ANKFN1: variants seen among roughly 807,000 people sequenced by gnomAD.
ANKFN1 encodes the protein ankyrin repeat and fibronectin type-III domain-containing protein 1.
A neutral mutation model predicts 108.7 loss-of-function variants in ANKFN1; 74 were observed. That is an observed-to-expected ratio of 0.68 (90% CI 0.56 to 0.83). The LOEUF is 0.83. Ranked by LOEUF, ANKFN1 falls within the 40% of genes least tolerant of loss-of-function variation. The pLI, the probability that ANKFN1 is intolerant of heterozygous loss-of-function variation, is 0.00. For missense variants in ANKFN1, 1,505 were observed against 1,382.3 expected, an observed-to-expected ratio of 1.09 and a Z score of -1.41; for synonymous variants, 547 against 516.2, an observed-to-expected ratio of 1.06 and a Z score of -0.81.
At chr17:56,261,847 C>T (rs2043518969) in intron 3 of ANKFN1, among the ~76,000 whole-genome samples, 1 of 152,202 alleles carries the variant, frequency 6.6e-6, no homozygotes, top group Non-Finnish European at 1.5e-5. Context: ...CCCTCACAGA[C>T]ATACCCAGGA....
chr17:56,238,323 T>A (rs1408032992), intron 3 of ANKFN1, among the ~76,000 whole-genome samples: 3 of 152,114 alleles, frequency 2.0e-5, no homozygotes, highest in Non-Finnish European at 4.4e-5. Context: ...CCTGAACATT[T>A]TTGTCAATTT....
Position 56,510,882 on chromosome 17 carries a change from G to C in ANKFN1, c.3054G>C (p.Leu1018Phe), listed in dbSNP as rs1259878752. 1 of 1,536,054 alleles carries C rather than the reference G, an allele frequency of 6.5e-7. No individual in the cohort carries two copies. Among genetic ancestry groups the C allele is most frequent in the Non-Finnish European group, 8.7e-7 (1 of 1,146,918 alleles). ...GCTTCAGCCGCCATCATCGCTGGTT[G>C]CGCATCCACAGCGAGACCCAGTCGC... Reference protein sequence around the residue: ...YGGFSRHHRWLRIHSETQSLS... With the variant: ...YGGFSRHHRWFRIHSETQSLS... The change falls in exon 21 of 21, where the codon TTG becomes TTC. Residue 1018 changes from leucine to phenylalanine, a missense_variant. Coordinates refer to ENST00000682825, the MANE Select transcript of ANKFN1 (RefSeq NM_001370326.1).
At chr17:56,187,093 A>G (rs1344938198) in intron 1 of ANKFN1, among the ~76,000 whole-genome samples, 1 of 152,248 alleles carries the variant, frequency 6.6e-6, no homozygotes, top group East Asian at 1.9e-4. Flanking sequence ...ATGGGATCTA[A>G]TTAAACTAAG....
intron 6 of ANKFN1, among the ~76,000 whole-genome samples, chr17:56,361,141 A>G (rs977365302): frequency 2.0e-5 from 3 of 152,136 alleles, no homozygotes; most frequent in Admixed American, 1.3e-4. Flanking sequence ...AGGTTCATCC[A>G]TGTTGTTTTA....
intron 8 of ANKFN1, among the ~76,000 whole-genome samples, chr17:56,438,093 T>C (rs757055209): frequency 2.0e-4 from 30 of 151,230 alleles, no homozygotes; most frequent in Non-Finnish European, 3.1e-4. Context: ...AGGAAAAAAA[T>C]GAATGACACT....
intron 1 of ANKFN1, among the ~76,000 whole-genome samples, chr17:56,175,848 T>C (rs1911095098): frequency 6.6e-6 from 1 of 151,398 alleles, no homozygotes; most frequent in African/African-American, 2.4e-5. Flanking sequence ...ACAACTCTGA[T>C]TGATGCAGCC....
At chr17:56,337,206 G>A (rs1187674748) in intron 4 of ANKFN1, among the ~76,000 whole-genome samples, 1 of 152,178 alleles carries the variant, frequency 6.6e-6, no homozygotes, top group African/African-American at 2.4e-5. Flanking sequence ...TTGATTTGGG[G>A]TTGAGAGTTC....
intron 4 of ANKFN1, among the ~76,000 whole-genome samples, chr17:56,086,797 G>T (rs1041435493): frequency 3.3e-5 from 5 of 151,294 alleles, no homozygotes; most frequent in Admixed American, 2.0e-4. Context: ...CATGCCTAGT[G>T]CCAGGTTCAC....
chr17:56,479,712 G>A (rs1173792567), intron 16 of ANKFN1, among the ~76,000 whole-genome samples: 1 of 152,216 alleles, frequency 6.6e-6, no homozygotes, highest in Non-Finnish European at 1.5e-5. Context: ...GCCCTTTGGG[G>A]AAAGCCTCAG....
At chr17:56,302,517 C>CAAA (rs774091391) in intron 3 of ANKFN1, among the ~76,000 whole-genome samples, 1,418 of 96,372 alleles carry the variant, frequency 0.015, 44 homozygotes, top group African/African-American at 0.054. Flanking sequence ...CTAGCCTCTA[C>CAAA]AAAAAAAAAA....
chr17:56,179,595 G>A (rs1911496497), intron 1 of ANKFN1, among the ~76,000 whole-genome samples: 1 of 152,194 alleles, frequency 6.6e-6, no homozygotes, highest in African/African-American at 2.4e-5. Context: ...ACAGAGACCT[G>A]AAGGAGCTGA....
intron 4 of ANKFN1, among the ~76,000 whole-genome samples, chr17:56,099,679 T>C (rs1417776400): frequency 6.6e-6 from 1 of 152,188 alleles, no homozygotes; most frequent in African/African-American, 2.4e-5. Flanking sequence ...AGGCAGAATC[T>C]AAGGAGAAGG....
At chr17:56,097,309 C>G (rs913274932) in intron 4 of ANKFN1, among the ~76,000 whole-genome samples, 2 of 152,078 alleles carry the variant, frequency 1.3e-5, no homozygotes, top group Admixed American at 1.3e-4. Context: ...CTAAGATAAC[C>G]CAGGTATCCC....
chr17:56,505,919 C>G (rs1011894836), intron 20 of ANKFN1, among the ~76,000 whole-genome samples: 1 of 152,206 alleles, frequency 6.6e-6, no homozygotes, highest in Non-Finnish European at 1.5e-5. Context: ...TGACTATGGA[C>G]TGAAAGTGTT....
chr17:56,239,501 A>G (rs189742581), intron 3 of ANKFN1, among the ~76,000 whole-genome samples: 3 of 152,278 alleles, frequency 2.0e-5, no homozygotes, highest in Admixed American at 2.0e-4. Context: ...CACTCCATAA[A>G]TGTGTGCAAC....
intron 19 of ANKFN1, among the ~76,000 whole-genome samples, chr17:56,496,088 A>T (rs527561325): frequency 6.6e-6 from 1 of 152,230 alleles, no homozygotes; most frequent in African/African-American, 2.4e-5. Context: ...CAGCAGTATA[A>T]GGTAAAATGG....
chr17:56,104,717 G>A (rs1406395946), intron 4 of ANKFN1, among the ~76,000 whole-genome samples: 1 of 152,178 alleles, frequency 6.6e-6, no homozygotes, highest in East Asian at 1.9e-4. Flanking sequence ...CTTTGGCAGA[G>A]CCCTGTGCTT....
intron 18 of ANKFN1, among the ~76,000 whole-genome samples, chr17:56,482,871 T>TCA (rs1475988033): frequency 1.3e-5 from 2 of 152,094 alleles, no homozygotes; most frequent in African/African-American, 2.4e-5. Context: ...TCTCTCTCTC[T>TCA]CACTCTCTTT....
rs531087565 is a variant in ANKFN1, at chr17:56,092,803, G to A, written c.288+46478G>A. ...TGGCAGAATTCAGTTTCAAGTGGTC[G>A]TAGGACTGAAAACCCTTTTTCCTTG... is the stretch of plus-strand genomic sequence containing the variant. On this transcript the variant is annotated intron_variant, in intron 4 of 12. Transcript: ENST00000635860. 1.1e-4 allele frequency among the ~76,000 whole-genome samples: 16 copies of A among 150,964 alleles called. 1 individual carries two copies. In the South Asian group the frequency reaches 2.1e-3, roughly 20 times the overall value.
Sources: gnomAD v4.1 joint callset for allele counts (sites outside exome capture counted in the v4.1 genomes callset) on GRCh38, gnomAD v4.1.1 for gene constraint, MANE v1.5 for transcripts, NCBI Gene and HGNC (gene_info 2026-07-23, HGNC 2026-07-21) for gene names.